BAIAP2: variants seen among roughly 807,000 people sequenced by gnomAD.
BAIAP2 encodes BAR/IMD domain containing adaptor protein 2, also known as BAR/IMD domain-containing adapter protein 2.
BAIAP2 carries 18 observed loss-of-function variants against 63.0 expected under a neutral mutation model. The ratio of observed to expected loss-of-function variants is 0.29; its 90% CI spans 0.20 to 0.42. BAIAP2 has a LOEUF of 0.42. BAIAP2 is among the 10% of genes least tolerant of loss of function. The probability of loss-of-function intolerance (pLI) is 1.00; values close to 1 mark genes in which losing one functional copy is unlikely to be tolerated. For synonymous variants in BAIAP2, 386 were observed against 307.6 expected (o/e 1.25, Z -2.67); for missense variants, 610 against 734.3 (o/e 0.83, Z 1.96).
intron 3 of BAIAP2, among the ~76,000 whole-genome samples, chr17:81,073,855 G>A (rs774476566): frequency 2.0e-5 from 3 of 152,238 alleles, no homozygotes; most frequent in Non-Finnish European, 4.4e-5. Context: ...CAGAGGAAGG[G>A]TGAGAGTCCT....
chr17:81,062,044 G>A (rs2050644535), intron 3 of BAIAP2, among the ~76,000 whole-genome samples: 1 of 152,134 alleles, frequency 6.6e-6, no homozygotes, highest in African/African-American at 2.4e-5. Context: ...CCAGGTTCAT[G>A]CGAGTCTCCT....
intron 1 of BAIAP2, among the ~76,000 whole-genome samples, chr17:81,048,356 C>CAA (rs5822388): frequency 6.5e-4 from 59 of 90,196 alleles, no homozygotes; most frequent in East Asian, 1.8e-3. Context: ...GACTCTGTCT[C>CAA]AAAAAAAAAA....
At chr17:81,061,262 T>C (rs748480013) in intron 3 of BAIAP2, among the ~76,000 whole-genome samples, 6 of 152,230 alleles carry the variant, frequency 3.9e-5, no homozygotes, top group South Asian at 2.1e-4. Context: ...TCTGATGATA[T>C]AAATTCTTTT....
At chr17:81,080,088 GA>G (rs1292285626) in intron 3 of BAIAP2, among the ~76,000 whole-genome samples, 1 of 152,214 alleles carries the variant, frequency 6.6e-6, no homozygotes, top group East Asian at 1.9e-4. Flanking sequence ...TTGCTCAGCG[GA>G]ACTCACTGCC....
At position 81,057,633 on chromosome 17, in the gene BAIAP2, C is replaced by T. The variant is rs996554020; in HGVS notation, c.131-248C>T. The T allele has an allele frequency of 2.4e-5, 30 of 1,263,486 alleles. 1 individual carries two copies. In the South Asian group the frequency reaches 7.8e-4, roughly 33 times the overall value. The allele number at this position is 1,263,486 out of a possible 1,614,324, so 78.3% of individuals were successfully genotyped here. On this transcript the variant is annotated intron_variant, in intron 2 of 13. Transcript: ENST00000428708. The stretch of plus-strand genomic sequence containing the variant: ...GCTCTCTGCAATTTGACTTGAATAG[C>T]TCAGGACCTGAACTGGTACGTTGTG...
chr17:81,115,632 T>C, intron 13 of BAIAP2, 138 bp from the exon 14 acceptor site: 1 of 1,039,798 alleles, frequency 9.6e-7, no homozygotes, highest in Middle Eastern at 2.1e-4. Flanking sequence ...CAGCGTATAT[T>C]GTCTGTGAGC....
intron 1 of BAIAP2, 126 bp downstream of exon 1, chr17:81,035,434 G>C (rs551246262): frequency 2.2e-6 from 1 of 459,210 alleles, no homozygotes; most frequent in African/African-American, 2.1e-5. Flanking sequence ...TGGGACTTTG[G>C]GGGTCTTCCC....
intron 3 of BAIAP2, among the ~76,000 whole-genome samples, chr17:81,069,284 G>A (rs972175253): frequency 4.6e-5 from 7 of 152,162 alleles, no homozygotes; most frequent in East Asian, 1.9e-4. Context: ...ACTGTGTCCC[G>A]GGCAGAGACT....
chr17:81,047,990 G>A (rs1032437267), intron 1 of BAIAP2, among the ~76,000 whole-genome samples: 1 of 152,252 alleles, frequency 6.6e-6, no homozygotes, highest in Admixed American at 6.5e-5. Context: ...GGAGGTGGGG[G>A]ACACTCTCTG....
chr17:81,069,631 C>G (rs2052199254), intron 3 of BAIAP2, among the ~76,000 whole-genome samples: 1 of 152,200 alleles, frequency 6.6e-6, no homozygotes. Context: ...CTGCGAGGCC[C>G]CTGGAAAAGC....
At chr17:81,067,311 A>G (rs992365892) in intron 3 of BAIAP2, among the ~76,000 whole-genome samples, 4 of 152,142 alleles carry the variant, frequency 2.6e-5, no homozygotes, top group Non-Finnish European at 4.4e-5. Flanking sequence ...TCAGGCCCCC[A>G]CCGCCTGTTC....
At chr17:81,100,453 C>T (rs1225391564) in intron 7 of BAIAP2, among the ~76,000 whole-genome samples, 1 of 152,282 alleles carries the variant, frequency 6.6e-6, no homozygotes, top group East Asian at 1.9e-4. Context: ...CCCGGTGGGA[C>T]ACCTGGTGGG....
chr17:81,057,608 G>A, intron 2 of BAIAP2: 1 of 1,192,986 alleles, frequency 8.4e-7, no homozygotes, highest in Non-Finnish European at 1.0e-6. Context: ...ATAGGGATCA[G>A]CTCTCTGCAA....
chr17:81,042,690 A>C (rs1223583783), intron 1 of BAIAP2, among the ~76,000 whole-genome samples: 3 of 151,992 alleles, frequency 2.0e-5, no homozygotes, highest in Non-Finnish European at 4.4e-5. Flanking sequence ...CCTGTGCCGG[A>C]AAACAGCGAC....
chr17:81,100,111 C>T (rs757109836), intron 7 of BAIAP2, 31 bp downstream of exon 7: 24 of 1,586,542 alleles, frequency 1.5e-5, no homozygotes, highest in Middle Eastern at 2.3e-4. Flanking sequence ...GCTGTGCCGG[C>T]GCTGGGCCTT....
chr17:81,079,721 G>A (rs2054276168), intron 3 of BAIAP2, among the ~76,000 whole-genome samples: 1 of 152,220 alleles, frequency 6.6e-6, no homozygotes, highest in Non-Finnish European at 1.5e-5. Flanking sequence ...CTGCCGGTCT[G>A]TTCTGGCTCA....
intron 10 of BAIAP2, chr17:81,105,571 C>T (rs2059085409): frequency 6.3e-6 from 1 of 157,788 alleles, no homozygotes; most frequent in African/African-American, 2.4e-5. Context: ...CTCGCTGGAC[C>T]TGGGGGCTGC....
chr17:81,035,833 A>C (rs1189868231), intron 1 of BAIAP2, among the ~76,000 whole-genome samples: 1 of 152,056 alleles, frequency 6.6e-6, no homozygotes, highest in Non-Finnish European at 1.5e-5. Flanking sequence ...AGCCTCGGGC[A>C]CTTCATTCTC....
chr17:81,069,113 C>G (rs1395992146), intron 3 of BAIAP2, among the ~76,000 whole-genome samples: 1 of 152,206 alleles, frequency 6.6e-6, no homozygotes, highest in Non-Finnish European at 1.5e-5. Context: ...GTTTAAACGT[C>G]TGAAGGGCAA....
Sources: gnomAD v4.1 joint callset for allele counts (sites outside exome capture counted in the v4.1 genomes callset) on GRCh38, gnomAD v4.1.1 for gene constraint, MANE v1.5 for transcripts, NCBI Gene and HGNC (gene_info 2026-07-23, HGNC 2026-07-21) for gene names.